Variants in SHB observed in about 807,000 individuals in gnomAD.
The protein encoded by SHB is SH2 domain containing adaptor protein B, also known as SH2 domain-containing adapter protein B.
A neutral mutation model predicts 52.3 loss-of-function variants in SHB; 20 were observed. The observed-to-expected ratio is 0.38, with a 90% CI of 0.27 to 0.56. The LOEUF is 0.56. SHB is among the 20% of genes least tolerant of loss of function. The pLI is 0.71. For missense variants in SHB, 825 were observed against 723.3 expected (o/e 1.14, Z -1.61); for synonymous variants, 397 against 316.5 (o/e 1.25, Z -2.70).
At chr9:38,037,294 T>TCTTAA (rs1821501314) in intron 1 of SHB, among the ~76,000 whole-genome samples, 1 of 152,158 alleles carries the variant, frequency 6.6e-6, no homozygotes, top group African/African-American at 2.4e-5. Flanking sequence ...AAACTTCCTA[T>TCTTAA]CTTACCTCCA....
At chr9:38,030,968 G>T (rs1256177045) in intron 1 of SHB, among the ~76,000 whole-genome samples, 1 of 152,098 alleles carries the variant, frequency 6.6e-6, no homozygotes, top group African/African-American at 2.4e-5. Context: ...AAAAAAGGGG[G>T]GAAAGACAAG....
rs1241279635 is a variant in SHB at position 38,068,478 on chromosome 9, A to C, written c.168T>G (p.Gly56=). 16 of 1,507,428 alleles carry C rather than the reference A, an allele frequency of 1.1e-5. No homozygotes were observed. Among genetic ancestry groups the C allele is most frequent in the African/African-American group, 1.4e-5 (1 of 69,054 alleles). 93.4% of individuals were successfully genotyped at this position (1,507,428 alleles called of 1,614,324 possible). A position where few individuals can be genotyped will look rare whatever the true frequency, so the allele number is the denominator to read the frequency against. Residue 56 remains glycine (G), a synonymous_variant, in exon 1 of 6, where the codon GGT becomes GGG. Transcript: ENST00000377707. ...QASSAASASC[G]PATASCFSAS... Reference sequence around the variant, plus strand: ...CTGAGAAGCAGGAGGCGGTGGCCGGACCGCAGGACGCCGAGGCGGCGGAGG... The same window carrying C: ...CTGAGAAGCAGGAGGCGGTGGCCGGCCCGCAGGACGCCGAGGCGGCGGAGG...
chr9:37,952,013 C>A (rs1267726773), intron 4 of SHB, among the ~76,000 whole-genome samples: 1 of 152,174 alleles, frequency 6.6e-6, no homozygotes, highest in Non-Finnish European at 1.5e-5. Context: ...GTTGGCCAGT[C>A]AGGTCAGAAC....
chr9:37,974,562 C>T lies in SHB; in HGVS notation c.1054+60G>A, dbSNP rs1820629627. Reference sequence around the variant, plus strand: ...GTTTGTCCTGAGCGCAGGTGGGGACCAAGGTGAGTGCTGAGCGCAGCTCAG... The same window carrying T: ...GTTTGTCCTGAGCGCAGGTGGGGACTAAGGTGAGTGCTGAGCGCAGCTCAG... On this transcript the variant is annotated intron_variant, in intron 3 of 5. Transcript: ENST00000377707. The T allele has an allele frequency of 6.8e-6, 10 of 1,460,824 alleles. No individual in the cohort carries two copies. The Admixed American group carries it at 1.2e-4, about 17-fold the overall frequency. The allele number at this position is 1,460,824 out of a possible 1,614,324, so 90.5% of individuals were successfully genotyped here.
intron 1 of SHB, among the ~76,000 whole-genome samples, chr9:38,023,611 G>A (rs552860720): frequency 6.6e-6 from 1 of 152,338 alleles, no homozygotes; most frequent in South Asian, 2.1e-4. Flanking sequence ...CATGACAACA[G>A]CTGTCCTATT....
rs541866127 is a variant in SHB at position 38,029,139 on chromosome 9, T to G, written c.718-13008A>C. Among the ~76,000 whole-genome samples the G allele has an allele frequency of 5.6e-3, 856 of 152,312 alleles. 8 individuals are homozygous for G. The highest frequency in any genetic ancestry group is 0.02 in the African/African-American group (829 of 41,564). The stretch of plus-strand genomic sequence containing the variant: ...CCACCACAGCCTTTGCCTTGAAATC[T>G]CCACCAGGCCCAAAGCTTTCAACAC... On this transcript the variant is annotated intron_variant, in intron 1 of 5. Coordinates refer to ENST00000377707, the MANE Select transcript of SHB (RefSeq NM_003028.3).
intron 1 of SHB, among the ~76,000 whole-genome samples, chr9:38,019,112 A>C (rs751485116): frequency 6.6e-5 from 10 of 152,220 alleles, no homozygotes; most frequent in Non-Finnish European, 1.3e-4. Flanking sequence ...TGGCAGCCAC[A>C]GAGGCAGAGC....
rs1368401493 is a variant in SHB, at chr9:37,916,534, C to T, written c.*3287G>A. On this transcript the variant is annotated 3_prime_UTR_variant, in exon 6 of 6. Coordinates refer to ENST00000377707, the MANE Select transcript of SHB (RefSeq NM_003028.3). Reference sequence around the variant, plus strand: ...CTGCAGCTCCACCCTGTTGACCGGACGCCTTGCGGGTAGCTGCTTCAGGTT... The same window carrying T: ...CTGCAGCTCCACCCTGTTGACCGGATGCCTTGCGGGTAGCTGCTTCAGGTT... Among the ~76,000 whole-genome samples the T allele has an allele frequency of 6.6e-6, 1 of 152,252 alleles. No homozygotes were observed. Among genetic ancestry groups the T allele is most frequent in the Non-Finnish European group, 1.5e-5 (1 of 68,046 alleles).
At chr9:37,949,619 C>A (rs1832540986) in intron 4 of SHB, among the ~76,000 whole-genome samples, 1 of 152,086 alleles carries the variant, frequency 6.6e-6, no homozygotes, top group Non-Finnish European at 1.5e-5. Context: ...AAGGGGTGTG[C>A]AAGACGTCCC....
chr9:37,963,998 C>T (rs1050525807), intron 3 of SHB, among the ~76,000 whole-genome samples: 4 of 152,208 alleles, frequency 2.6e-5, no homozygotes, highest in Admixed American at 1.3e-4. Flanking sequence ...AGAGGTGAGG[C>T]CCCTTCTTCC....
At chr9:37,998,002 G>A (rs554780360) in intron 2 of SHB, among the ~76,000 whole-genome samples, 4 of 152,350 alleles carry the variant, frequency 2.6e-5, no homozygotes, top group Non-Finnish European at 4.4e-5. Context: ...GTGTCCAACC[G>A]AGCAAGCAGA....
intron 3 of SHB, among the ~76,000 whole-genome samples, chr9:37,967,353 C>T (rs1330946126): frequency 2.0e-5 from 3 of 152,184 alleles, no homozygotes; most frequent in Non-Finnish European, 4.4e-5. Context: ...TCCCTTTTAG[C>T]CTCATTTGAT....
intron 2 of SHB, among the ~76,000 whole-genome samples, chr9:38,005,170 G>A (rs1392655359): frequency 1.3e-5 from 2 of 152,236 alleles, no homozygotes; most frequent in African/African-American, 4.8e-5. Flanking sequence ...ACAGAATGGG[G>A]TGACGTGGGC....
At chr9:37,978,159 T>C (rs1820676371) in intron 2 of SHB, among the ~76,000 whole-genome samples, 4 of 152,240 alleles carry the variant, frequency 2.6e-5, no homozygotes, top group South Asian at 4.1e-4. Flanking sequence ...TTAAACAATA[T>C]GCATTAGAGA....
intron 3 of SHB, among the ~76,000 whole-genome samples, chr9:37,956,420 T>C (rs1249062243): frequency 6.6e-6 from 1 of 152,144 alleles, no homozygotes; most frequent in African/African-American, 2.4e-5. Context: ...CTGTTTCTTG[T>C]ATTGGGCCAA....
chr9:38,068,347 C>T lies in SHB; in HGVS notation c.299G>A (p.Gly100Asp). 1 of 1,560,394 alleles carries T rather than the reference C, an allele frequency of 6.4e-7. No homozygotes were observed. Among genetic ancestry groups the T allele is most frequent in the Non-Finnish European group, 8.6e-7 (1 of 1,157,898 alleles). Residue 100 changes from glycine (G) to aspartate (D), a missense_variant, in exon 1 of 6, where the codon GGC becomes GAC. Coordinates refer to ENST00000377707, the MANE Select transcript of SHB (RefSeq NM_003028.3). ...GGCGCGCAGTTTGCGCAGCGACGAG[C>T]CAGGCCCGTTGTAGGGGTCCTCGAA... ...RDFEDPYNGP[G>D]SSLRKLRAMC... is the part of the protein sequence containing the mutation.
intron 1 of SHB, among the ~76,000 whole-genome samples, chr9:38,038,537 T>G (rs1011560241): frequency 2.6e-5 from 4 of 152,200 alleles, no homozygotes; most frequent in African/African-American, 7.2e-5. Flanking sequence ...AGTAAGGTAC[T>G]GAGTAGATGA....
chr9:38,001,978 C>T (rs1225004171), intron 2 of SHB, among the ~76,000 whole-genome samples: 1 of 122,354 alleles, frequency 8.2e-6, no homozygotes, highest in African/African-American at 2.7e-5. Flanking sequence ...CAGGACCTGG[C>T]TCTGAGCACA....
chr9:37,918,374 C>CGTGT lies in SHB; in HGVS notation c.*1443_*1446dup, dbSNP rs113506995. On this transcript the variant is annotated 3_prime_UTR_variant, in exon 6 of 6. Transcript: ENST00000377707. ...AAGAGAGAGGTCGCGTGTGCGTGTG[C>CGTGT]GTGTGTAGGTGTTCTTGTGTGTGGA... Among the ~76,000 whole-genome samples the CGTGT allele has an allele frequency of 7.2e-6, 1 of 139,090 alleles. No individual in the cohort carries two copies. Among genetic ancestry groups the CGTGT allele is most frequent in the African/African-American group, 2.8e-5 (1 of 35,870 alleles). 91.2% of individuals were successfully genotyped at this position (139,090 alleles called of 152,430 possible). A position where few individuals can be genotyped will look rare whatever the true frequency, so the allele number is the denominator to read the frequency against.
Sources: gnomAD v4.1 joint callset for allele counts (sites outside exome capture counted in the v4.1 genomes callset) on GRCh38, gnomAD v4.1.1 for gene constraint, MANE v1.5 for transcripts, NCBI Gene and HGNC (gene_info 2026-07-23, HGNC 2026-07-21) for gene names.